TBC1D2: variants seen among roughly 807,000 people sequenced by gnomAD.
The protein encoded by TBC1D2 is TBC1 domain family member 2A.
TBC1D2 carries 58 observed loss-of-function variants against 91.1 expected under a neutral mutation model. That is an observed-to-expected ratio of 0.64 (90% CI 0.52 to 0.79). TBC1D2 has a LOEUF of 0.79. Among genes scored for constraint, TBC1D2 ranks in the 30% least tolerant of loss-of-function variants. The pLI, the probability that TBC1D2 is intolerant of heterozygous loss-of-function variation, is 0.00. For synonymous variants in TBC1D2, 482 were observed against 511.5 expected, an observed-to-expected ratio of 0.94 and a Z score of 0.78; for missense variants, 1,080 against 1,208.3, an observed-to-expected ratio of 0.89 and a Z score of 1.57.
chr9:98,203,564 T>C (rs564661195), intron 9 of TBC1D2, among the ~76,000 whole-genome samples, 156 bp from the exon 10 acceptor site: 1 of 152,320 alleles, frequency 6.6e-6, no homozygotes, highest in Non-Finnish European at 1.5e-5. Context: ...TCCTGGCACC[T>C]GGGGTGAGAT....
chr9:98,222,573 C>T (rs10760206), intron 5 of TBC1D2, among the ~76,000 whole-genome samples: 19,960 of 152,242 alleles, frequency 0.13, 1,428 homozygotes, highest in East Asian at 0.2. Context: ...GTAATTTCCC[C>T]AGGGAGGGCC....
chr9:98,247,364 A>AAC (rs898503943), intron 2 of TBC1D2, among the ~76,000 whole-genome samples: 2 of 149,582 alleles, frequency 1.3e-5, no homozygotes, highest in African/African-American at 4.9e-5. Flanking sequence ...CAAACAAACA[A>AAC]AAAAAAAAAC....
intron 3 of TBC1D2, 44 bp from the exon 4 acceptor site, chr9:98,233,593 C>G: frequency 6.2e-7 from 1 of 1,603,718 alleles, no homozygotes; most frequent in Non-Finnish European, 8.5e-7. Context: ...TGAACCCTGC[C>G]TTTCTGCCCT....
intron 2 of TBC1D2, among the ~76,000 whole-genome samples, chr9:98,245,060 GAA>G (rs1829736197): frequency 6.6e-6 from 1 of 151,718 alleles, no homozygotes; most frequent in African/African-American, 2.4e-5. Flanking sequence ...CTAACACGGT[GAA>G]ACCCCATCTC....
chr9:98,223,004 C>T (rs574050812), intron 5 of TBC1D2, among the ~76,000 whole-genome samples: 1 of 152,226 alleles, frequency 6.6e-6, no homozygotes. Flanking sequence ...CCACTCGGTG[C>T]CAGGCCAGGC....
chr9:98,221,291 G>A, intron 5 of TBC1D2, 63 bp from the exon 6 acceptor site: 1 of 1,467,142 alleles, frequency 6.8e-7, no homozygotes, highest in Non-Finnish European at 9.1e-7. Context: ...CCACAGTGGG[G>A]TATATGTTAT....
rs1156618632 is a variant in TBC1D2, at chr9:98,199,555, G to C, written c.2613C>G (p.Asn871Lys). 1 of 1,614,102 alleles carries C rather than the reference G, an allele frequency of 6.2e-7. No individual in the cohort carries two copies. The highest frequency in any genetic ancestry group is 1.1e-5 in the South Asian group (1 of 91,080). ...KLMNIAFNDM[N>K]PFRMKQLRQL... ...GCCGCAGCTGTTTCATGCGGAAGGG[G>C]TTCATGTCATTGAAGGCGATGTTCA... Residue 871 changes from asparagine to lysine, a missense_variant, in exon 13 of 13, where the codon AAC becomes AAG. Transcript: ENST00000465784.
At chr9:98,214,940 C>T (rs909352615) in intron 6 of TBC1D2, among the ~76,000 whole-genome samples, 1 of 152,192 alleles carries the variant, frequency 6.6e-6, no homozygotes, top group Non-Finnish European at 1.5e-5. Context: ...CTTTCATCTC[C>T]CTCGCTGTGC....
intron 3 of TBC1D2, among the ~76,000 whole-genome samples, chr9:98,239,067 C>T (rs1208517021): frequency 6.6e-6 from 1 of 151,474 alleles, no homozygotes; most frequent in South Asian, 2.1e-4. Context: ...TTATTTATTA[C>T]TATTATTTAG....
At chr9:98,204,782 T>C (rs1828605699) in intron 9 of TBC1D2, among the ~76,000 whole-genome samples, 2 of 152,142 alleles carry the variant, frequency 1.3e-5, no homozygotes, top group Non-Finnish European at 2.9e-5. Flanking sequence ...AATAGGAAGC[T>C]CCGTTCTCTC....
chr9:98,207,374 G>C (rs1463117737), intron 9 of TBC1D2, among the ~76,000 whole-genome samples: 1 of 152,204 alleles, frequency 6.6e-6, no homozygotes, highest in East Asian at 1.9e-4. Context: ...GTGAAAACTT[G>C]CTTTGGGAAA....
At position 98,228,542 on chromosome 9, in the gene TBC1D2, G is replaced by A. The variant is rs1011377336; in HGVS notation, c.978+410C>T. Among the ~76,000 whole-genome samples, 4 of 152,122 alleles carry A rather than the reference G, an allele frequency of 2.6e-5. No homozygotes were observed. The highest frequency in any genetic ancestry group is 4.8e-5 in the African/African-American group (2 of 41,414). On this transcript the variant is annotated intron_variant, in intron 5 of 12. Transcript: ENST00000465784. The surrounding 1 kb of genome is among the most constrained non-coding windows in gnomAD (Gnocchi z 4.0). ...CTTTCTCCTGTGACAGTCTTGTGAC[G>A]GTCATTCAGATATCTGTGCCCAGAT...
intron 3 of TBC1D2, among the ~76,000 whole-genome samples, chr9:98,241,597 C>G (rs1588060846): frequency 6.6e-6 from 1 of 152,286 alleles, no homozygotes; most frequent in East Asian, 1.9e-4. Context: ...CTTTCTTGGT[C>G]TCTGCATTTT....
chr9:98,233,017 C>A (rs1344140487), intron 4 of TBC1D2, among the ~76,000 whole-genome samples: 1 of 152,170 alleles, frequency 6.6e-6, no homozygotes, highest in Admixed American at 6.5e-5. Flanking sequence ...GTGGTATTAA[C>A]AGGTGGGGCC....
chr9:98,208,243 T>C (rs929261449), intron 9 of TBC1D2, among the ~76,000 whole-genome samples: 4 of 152,088 alleles, frequency 2.6e-5, no homozygotes, highest in African/African-American at 9.7e-5. Context: ...TAGGCTCATG[T>C]CTTCAGGTTC....
chr9:98,208,741 C>G lies in TBC1D2; in HGVS notation c.2077G>C (p.Asp693His). 1 of 1,561,660 alleles carries G rather than the reference C, an allele frequency of 6.4e-7. No individual in the cohort carries two copies. ...GCCAGCAGCACCCGGCGGAGCTTGT[C>G]GGGGAAGCTGGAGGTGGGGCAGGTG... ...HFTCPTSSFP[D>H]KLRRVLLAFS... The change falls in exon 9 of 13, where the codon GAC (aspartate) becomes CAC (histidine). Residue 693 changes from aspartate (D) to histidine (H), a missense_variant. Transcript: ENST00000465784.
chr9:98,251,748 C>A (rs766293059), intron 2 of TBC1D2, 37 bp downstream of exon 2: 7 of 1,536,632 alleles, frequency 4.6e-6, no homozygotes, highest in Admixed American at 2.2e-5. Context: ...TCACCAGAGC[C>A]CTGGGTGTGC....
intron 7 of TBC1D2, among the ~76,000 whole-genome samples, chr9:98,212,505 T>C (rs1389776332): frequency 8.1e-6 from 1 of 123,042 alleles, no homozygotes; most frequent in Admixed American, 8.1e-5. Context: ...TCCAAGTGCA[T>C]CTTTTTTTTT....
rs1375595421 is a variant in TBC1D2 at position 98,213,237 on chromosome 9, T to C, written c.1375-19A>G. 1 of 1,613,860 alleles carries C rather than the reference T, an allele frequency of 6.2e-7. No homozygotes were observed. Among genetic ancestry groups the C allele is most frequent in the Non-Finnish European group, 8.5e-7 (1 of 1,179,914 alleles). ...TGTCATCCTGGAGAAGAGAGTAAAA[T>C]ATGTTATCAGTTGGACATAAACATC... is the stretch of plus-strand genomic sequence containing the variant. On this transcript the variant is annotated intron_variant, in intron 6 of 12. Transcript: ENST00000465784.
Sources: allele counts gnomAD v4.1 joint callset (sites outside exome capture counted in the v4.1 genomes callset), GRCh38; gene constraint gnomAD v4.1.1; non-coding constraint Gnocchi (gnomAD v3.1); transcripts MANE v1.5; gene names NCBI Gene and HGNC (gene_info 2026-07-23, HGNC 2026-07-21).